The following NCS1 variants were observed in gnomAD, a reference collection of about 807,000 sequenced individuals.
The protein encoded by NCS1 is neuronal calcium sensor 1.
A neutral mutation model predicts 28.4 loss-of-function variants in NCS1; 6 were observed. The observed-to-expected ratio is 0.21, with a 90% CI of 0.12 to 0.42. The LOEUF (loss-of-function observed/expected upper bound fraction) is 0.42, where lower values mean the gene tolerates loss of function less well. Among genes scored for constraint, NCS1 ranks in the 10% least tolerant of loss-of-function variants. The pLI is 1.00. For synonymous variants in NCS1, 86 were observed against 99.3 expected (o/e 0.87, Z 0.79); for missense variants, 131 against 241.4 (o/e 0.54, Z 3.03).
At chr9:130,213,359 G>A (rs1320074873) in intron 2 of NCS1, among the ~76,000 whole-genome samples, 3 of 147,070 alleles carry the variant, frequency 2.0e-5, no homozygotes, top group East Asian at 4.1e-4. Flanking sequence ...CTCACTGCAA[G>A]CTCCGCCTCC....
intron 2 of NCS1, among the ~76,000 whole-genome samples, chr9:130,212,746 A>T (rs1394974329): frequency 6.6e-6 from 1 of 151,814 alleles, no homozygotes; most frequent in Non-Finnish European, 1.5e-5. Flanking sequence ...TCTCTCAGGC[A>T]TCCTGGGGAC....
At chr9:130,221,251 T>G (rs1833282118) in intron 4 of NCS1, among the ~76,000 whole-genome samples, 1 of 150,608 alleles carries the variant, frequency 6.6e-6, no homozygotes, top group Non-Finnish European at 1.5e-5. Context: ...CTCGAACTCC[T>G]GACCTCAGAT....
rs1554912369 is a variant in NCS1 at position 130,233,368 on chromosome 9, A to G, written c.*396A>G. On this transcript the variant is annotated 3_prime_UTR_variant, in exon 8 of 8. Coordinates refer to ENST00000372398, the MANE Select transcript of NCS1 (RefSeq NM_014286.4). This position sits in a 1 kb window ranked among gnomAD's most constrained non-coding sequence, Gnocchi z 4.8. ...ACAACTACCTTCTGTCCTAGAAGAC[A>G]CAGACTGACAGATGGGGTGAAGGCC... 1 of 152,322 alleles carries G rather than the reference A, an allele frequency of 6.6e-6. No individual in the cohort carries two copies. Among genetic ancestry groups the G allele is most frequent in the Non-Finnish European group, 1.5e-5 (1 of 68,028 alleles). The allele number at this position is 152,322 out of a possible 1,614,324, so 9.4% of individuals were successfully genotyped here. A position where few individuals can be genotyped will look rare whatever the true frequency, so the allele number is the denominator to read the frequency against.
At chr9:130,194,334 G>A (rs1342221773) in intron 1 of NCS1, among the ~76,000 whole-genome samples, 1 of 152,232 alleles carries the variant, frequency 6.6e-6, no homozygotes, top group Non-Finnish European at 1.5e-5. Context: ...CGCTGCCGGG[G>A]TGGAAAGGAG....
At chr9:130,212,662 G>T (rs1833128456) in intron 2 of NCS1, among the ~76,000 whole-genome samples, 1 of 151,744 alleles carries the variant, frequency 6.6e-6, no homozygotes, top group South Asian at 2.1e-4. Flanking sequence ...GAAGGAGAGA[G>T]GGAGGGACTG....
intron 6 of NCS1, among the ~76,000 whole-genome samples, chr9:130,224,003 T>C (rs111620941): frequency 0.4 from 60,424 of 151,408 alleles, 13,440 homozygotes; most frequent in African/African-American, 0.59. Context: ...CATGCCACCA[T>C]ACCTGGCTAA....
Position 130,237,282 on chromosome 9 carries a change from C to G in NCS1, c.*4310C>G, listed in dbSNP as rs190403603. On this transcript the variant is annotated 3_prime_UTR_variant, in exon 8 of 8. Coordinates refer to ENST00000372398, the MANE Select transcript of NCS1 (RefSeq NM_014286.4). ...TCGTCCATGTCACGCCAATTAAACACGCTTCCTGGACTTGTCCTCGCCTCC... is the reference window on the plus strand; with the variant it reads ...TCGTCCATGTCACGCCAATTAAACAGGCTTCCTGGACTTGTCCTCGCCTCC... The G allele has an allele frequency of 6.6e-6, 1 of 152,350 alleles. No homozygotes were observed. The highest frequency in any genetic ancestry group is 2.4e-5 in the African/African-American group (1 of 41,434). 9.4% of individuals were successfully genotyped at this position (152,350 alleles called of 1,614,324 possible).
chr9:130,200,689 G>T lies in NCS1; in HGVS notation c.65-269G>T, dbSNP rs115484808. 3.1e-4 allele frequency: 478 copies of T among 1,545,476 alleles called. 1 individual carries two copies. In the African/African-American group the frequency reaches 6.1e-3, roughly 20 times the overall value. On this transcript the variant is annotated intron_variant, in intron 1 of 7. Coordinates refer to ENST00000372398, the MANE Select transcript of NCS1 (RefSeq NM_014286.4). ...TGAGTGCCACAGGGCGTTCCTGGGG[G>T]CTCTCCCAGCAGCGGCAGTGGCAGT...
chr9:130,203,634 G>T (rs1832987190), intron 2 of NCS1, among the ~76,000 whole-genome samples: 1 of 152,178 alleles, frequency 6.6e-6, no homozygotes, highest in South Asian at 2.1e-4. Context: ...GGTCTCAGGG[G>T]ACTGGGGGCT....
intron 7 of NCS1, among the ~76,000 whole-genome samples, chr9:130,228,475 C>T (rs550242951): frequency 5.3e-5 from 8 of 152,102 alleles, no homozygotes; most frequent in South Asian, 2.1e-4. Flanking sequence ...CCTCCTACCT[C>T]GGCCTCCCAA....
At chr9:130,222,279 C>G (rs1833341007) in intron 4 of NCS1, among the ~76,000 whole-genome samples, 1 of 151,714 alleles carries the variant, frequency 6.6e-6, no homozygotes, top group South Asian at 2.1e-4. Flanking sequence ...CTCAACCTCC[C>G]AAGTAGCTGG....
chr9:130,195,284 C>T (rs745576849), intron 1 of NCS1, among the ~76,000 whole-genome samples: 2 of 152,230 alleles, frequency 1.3e-5, no homozygotes. Context: ...ACTGCTCCCC[C>T]AAGCCCAGCC....
chr9:130,213,202 C>T (rs1392684447), intron 2 of NCS1, among the ~76,000 whole-genome samples: 8 of 152,204 alleles, frequency 5.3e-5, no homozygotes, highest in African/African-American at 9.7e-5. Flanking sequence ...GTGTGACTTT[C>T]GGCCTGTCTC....
At chr9:130,212,864 G>T (rs957092576) in intron 2 of NCS1, among the ~76,000 whole-genome samples, 2 of 152,126 alleles carry the variant, frequency 1.3e-5, no homozygotes, top group Non-Finnish European at 2.9e-5. Context: ...CCAGCCGGTG[G>T]CAGATGGGTG....
At chr9:130,190,548 G>A (rs1411872502) in intron 1 of NCS1, among the ~76,000 whole-genome samples, 1 of 152,164 alleles carries the variant, frequency 6.6e-6, no homozygotes, top group Non-Finnish European at 1.5e-5. Flanking sequence ...CTTGATCTGG[G>A]TCACTCAGCC....
At position 130,191,464 on chromosome 9, in the gene NCS1, G is replaced by A. The variant is rs991905461; in HGVS notation, c.65-9494G>A. On this transcript the variant is annotated intron_variant, in intron 1 of 7. Transcript: ENST00000372398. This position sits in a 1 kb window ranked among gnomAD's most constrained non-coding sequence, Gnocchi z 6.4. ...TGCTCAGCCTTCCTCCCACCAGCCCGGAGGCTCTGGCATCTTTTACATGGA... is the reference window on the plus strand; with the variant it reads ...TGCTCAGCCTTCCTCCCACCAGCCCAGAGGCTCTGGCATCTTTTACATGGA... Among the ~76,000 whole-genome samples the A allele has an allele frequency of 2.0e-5, 3 of 152,190 alleles. No individual in the cohort carries two copies. The highest frequency in any genetic ancestry group is 7.2e-5 in the African/African-American group (3 of 41,448).
At chr9:130,198,444 C>T (rs782697739) in intron 1 of NCS1, among the ~76,000 whole-genome samples, 4 of 152,198 alleles carry the variant, frequency 2.6e-5, no homozygotes, top group Non-Finnish European at 5.9e-5. Context: ...TCGAATGCTG[C>T]CACCCCTTGC....
rs1226997267 is a variant in NCS1 at position 130,180,084 on chromosome 9, G to C, written c.64+7357G>C. ...AATCTCACTTCCGTCACCCAGGCTA[G>C]AGTGCAGTGGCGCGATCTCGGCTCA... On this transcript the variant is annotated intron_variant, in intron 1 of 7. Transcript: ENST00000372398. This position sits in a 1 kb window ranked among gnomAD's most constrained non-coding sequence, Gnocchi z 4.5. Among the ~76,000 whole-genome samples the C allele has an allele frequency of 6.6e-6, 1 of 152,082 alleles. No homozygotes were observed. The highest frequency in any genetic ancestry group is 1.5e-5 in the Non-Finnish European group (1 of 68,020).
intron 2 of NCS1, among the ~76,000 whole-genome samples, chr9:130,207,691 C>T (rs885345): frequency 0.37 from 56,192 of 152,134 alleles, 11,117 homozygotes; most frequent in Admixed American, 0.47. Flanking sequence ...GTCCCAAGTC[C>T]CCAGGAGAGC....
Sources: gnomAD v4.1 joint callset for allele counts (sites outside exome capture counted in the v4.1 genomes callset) on GRCh38, gnomAD v4.1.1 for gene constraint, Gnocchi (gnomAD v3.1) non-coding constraint, MANE v1.5 for transcripts, NCBI Gene and HGNC (gene_info 2026-07-23, HGNC 2026-07-21) for gene names.